The following USH2A variants were observed in gnomAD, a reference collection of about 807,000 sequenced individuals.
The protein encoded by USH2A is usherin, also known as Usher syndrome 2A (autosomal recessive, mild).
In USH2A, 443 loss-of-function variants were observed where a neutral mutation model predicts 538.9. The ratio of observed to expected loss-of-function variants is 0.82; its 90% CI spans 0.76 to 0.89. The LOEUF (loss-of-function observed/expected upper bound fraction) is 0.89, where lower values mean the gene tolerates loss of function less well. Ranked by LOEUF, USH2A falls within the 40% of genes least tolerant of loss-of-function variation. The pLI is 0.00. For synonymous variants in USH2A, 2,413 were observed against 2,273.5 expected (o/e 1.06, Z -1.75); for missense variants, 6,633 against 6,324.8 (o/e 1.05, Z -1.65).
chr1:215,867,974 T>A (rs771890231), intron 43 of USH2A, among the ~76,000 whole-genome samples: 1 of 152,160 alleles, frequency 6.6e-6, no homozygotes, highest in African/African-American at 2.4e-5. Flanking sequence ...GGAAATGCCA[T>A]AAACAGACAC....
chr1:215,889,528 T>C (rs1241390189), intron 40 of USH2A, among the ~76,000 whole-genome samples: 2 of 152,168 alleles, frequency 1.3e-5, no homozygotes, highest in African/African-American at 4.8e-5. Flanking sequence ...TTCTATATTA[T>C]ACTTGGTTCT....
chr1:216,091,021 G>GA (rs1558253801), intron 22 of USH2A, among the ~76,000 whole-genome samples: 1 of 152,134 alleles, frequency 6.6e-6, no homozygotes, highest in Non-Finnish European at 1.5e-5. Context: ...CAGAAATCAA[G>GA]TTTATTGGAG....
At chr1:216,235,731 CT>C (rs987161059) in intron 13 of USH2A, among the ~76,000 whole-genome samples, 3 of 152,136 alleles carry the variant, frequency 2.0e-5, no homozygotes, top group Non-Finnish European at 4.4e-5. Context: ...TTGCCAAGGT[CT>C]TGAGAGGGAG....
chr1:215,712,967 C>T (rs189363823), intron 61 of USH2A, among the ~76,000 whole-genome samples: 93 of 152,076 alleles, frequency 6.1e-4, no homozygotes, highest in Admixed American at 4.8e-3. Flanking sequence ...CCACCATGCC[C>T]GGCTAATTTG....
intron 61 of USH2A, among the ~76,000 whole-genome samples, chr1:215,682,319 G>T (rs999907350): frequency 1.2e-4 from 19 of 152,206 alleles, no homozygotes; most frequent in African/African-American, 4.6e-4. Context: ...TAAGAAACAT[G>T]AAAAGCATGT....
chr1:216,224,781 T>C (rs1268077088), intron 14 of USH2A, among the ~76,000 whole-genome samples: 1 of 152,152 alleles, frequency 6.6e-6, no homozygotes, highest in African/African-American at 2.4e-5. Flanking sequence ...AAGGAATATG[T>C]GAACCAGGCA....
At chr1:216,200,219 A>G in intron 16 of USH2A, 98 bp from the exon 17 acceptor site, 3 of 1,249,196 alleles carry the variant, frequency 2.4e-6, no homozygotes, top group Non-Finnish European at 3.3e-6. Context: ...AATTACATAA[A>G]CTATACCAAT....
chr1:216,312,424 T>C (rs973113856), intron 9 of USH2A, among the ~76,000 whole-genome samples: 3 of 152,176 alleles, frequency 2.0e-5, no homozygotes, highest in Non-Finnish European at 4.4e-5. Flanking sequence ...CCCCATTATA[T>C]GTATTTACAT....
intron 34 of USH2A, among the ~76,000 whole-genome samples, chr1:215,997,722 C>CA (rs1195972182): frequency 6.6e-6 from 1 of 151,946 alleles, no homozygotes; most frequent in Non-Finnish European, 1.5e-5. Flanking sequence ...TGGTTGCTTC[C>CA]AAAAAATTAA....
At chr1:215,742,991 G>A (rs1256217272) in intron 59 of USH2A, among the ~76,000 whole-genome samples, 186 bp downstream of exon 59, 1 of 152,094 alleles carries the variant, frequency 6.6e-6, no homozygotes, top group African/African-American at 2.4e-5. Flanking sequence ...ATGATTTAAT[G>A]TGCAGAAATG....
At chr1:215,659,615 C>G (rs192178209) in intron 64 of USH2A, among the ~76,000 whole-genome samples, 1 of 152,212 alleles carries the variant, frequency 6.6e-6, no homozygotes, top group East Asian at 1.9e-4. Context: ...TTAAAGTTCA[C>G]AGCAACTTTC....
At position 216,213,024 on chromosome 1, in the gene USH2A, C is replaced by T. The variant is rs372604814; in HGVS notation, c.3157+4363G>A. Among the ~76,000 whole-genome samples, 21 of 152,030 alleles carry T rather than the reference C, an allele frequency of 1.4e-4. 1 individual carries two copies. Among genetic ancestry groups the T allele is most frequent in the Admixed American group, 5.2e-4 (8 of 15,258 alleles). On this transcript the variant is annotated intron_variant, in intron 15 of 71. Transcript: ENST00000307340. The stretch of plus-strand genomic sequence containing the variant: ...GGAACAGTGCATAGAAATAACATTG[C>T]GCAATTATACTATAGGTTTCCTGGA...
rs565728371 is a variant in USH2A at position 215,943,285 on chromosome 1, A to G, written c.7121-8490T>C. On this transcript the variant is annotated intron_variant, in intron 37 of 71. Coordinates refer to ENST00000307340, the MANE Select transcript of USH2A (RefSeq NM_206933.4). ...TATATATTCCCTATAATATGATAAA[A>G]TGATATTGCAGAGACAGAGAAACAA... Among the ~76,000 whole-genome samples the G allele has an allele frequency of 7.2e-5, 11 of 152,318 alleles. No individual in the cohort carries two copies. In the South Asian group the frequency reaches 2.3e-3, roughly 32 times the overall value.
intron 21 of USH2A, among the ~76,000 whole-genome samples, chr1:216,129,621 G>C (rs1450086051): frequency 1.3e-5 from 2 of 152,002 alleles, no homozygotes; most frequent in Non-Finnish European, 2.9e-5. Flanking sequence ...CTGCTAAAAT[G>C]TCCATACTAC....
rs2102778847 is a variant in USH2A at position 215,799,142 on chromosome 1, A to C, written c.9740-17T>G. 6.2e-7 allele frequency: 1 copy of C among 1,607,922 alleles called. No individual in the cohort carries two copies. ...ATACTTCACCTGTCAATTTAGGACA[A>C]TAATAATCATTACATCAGTTAAAAA... On this transcript the variant is annotated splice_polypyrimidine_tract_variant and intron_variant, in intron 49 of 71. Transcript: ENST00000307340.
intron 29 of USH2A, among the ~76,000 whole-genome samples, chr1:216,071,721 T>C (rs992481215): frequency 6.6e-6 from 1 of 152,160 alleles, no homozygotes; most frequent in African/African-American, 2.4e-5. Context: ...GTTGCTGAAT[T>C]ATACTCAAAG....
At position 215,999,000 on chromosome 1, in the gene USH2A, T is replaced by C. The variant is rs1330214065; in HGVS notation, c.6544A>G (p.Asn2182Asp). 6.2e-7 allele frequency: 1 copy of C among 1,613,034 alleles called. No individual in the cohort carries two copies. The highest frequency in any genetic ancestry group is 8.5e-7 in the Non-Finnish European group (1 of 1,179,256). Reference sequence around the variant, plus strand: ...CAAATTGTAAAATCATGTGTATGGTTTGACATATATAATACATAGCGTTCC... The same window carrying C: ...CAAATTGTAAAATCATGTGTATGGTCTGACATATATAATACATAGCGTTCC... The part of the protein sequence containing the change: ...ILERYVLYMS[N>D]HTHDFTIWSV... The change falls in exon 34 of 72, where the codon AAC becomes GAC. Residue 2182 changes from asparagine to aspartate, a missense_variant. By Grantham distance (23) the Asn-to-Asp change is conservative. Coordinates refer to ENST00000307340, the MANE Select transcript of USH2A (RefSeq NM_206933.4).
At chr1:216,313,721 G>GAT (rs1382521086) in intron 9 of USH2A, among the ~76,000 whole-genome samples, 6 of 150,674 alleles carry the variant, frequency 4.0e-5, no homozygotes, top group Middle Eastern at 3.4e-3. Flanking sequence ...TGATAATATT[G>GAT]ATATATATAT....
chr1:215,752,637 T>C (rs1222116928), intron 58 of USH2A, among the ~76,000 whole-genome samples: 1 of 152,176 alleles, frequency 6.6e-6, no homozygotes, highest in East Asian at 1.9e-4. Context: ...CAAAAAGTCA[T>C]TGTTGCAATG....
Sources: allele counts gnomAD v4.1 joint callset (sites outside exome capture counted in the v4.1 genomes callset), GRCh38; gene constraint gnomAD v4.1.1; transcripts MANE v1.5; gene names NCBI Gene and HGNC (gene_info 2026-07-23, HGNC 2026-07-21).